SAP18: variants seen among roughly 807,000 people sequenced by gnomAD.
The protein encoded by SAP18 is histone deacetylase complex subunit SAP18.
Under a neutral mutation model 18.6 loss-of-function variants are expected in SAP18, and 4 were observed. That is an observed-to-expected ratio of 0.21 (90% CI 0.11 to 0.49). The LOEUF (loss-of-function observed/expected upper bound fraction) is 0.49. Among genes scored for constraint, SAP18 ranks in the 20% least tolerant of loss-of-function variants. The probability of loss-of-function intolerance (pLI) is 0.98; values close to 1 mark genes in which losing one functional copy is unlikely to be tolerated. For synonymous variants in SAP18, 112 were observed against 82.8 expected, an observed-to-expected ratio of 1.35 and a Z score of -1.92; for missense variants, 170 against 226.4, an observed-to-expected ratio of 0.75 and a Z score of 1.60.
chr13:21,146,728 A>G, intron 2 of SAP18, 77 bp from the exon 3 acceptor site: 2 of 1,145,440 alleles, frequency 1.7e-6, no homozygotes, highest in Non-Finnish European at 2.5e-6. Context: ...TATGTAATTA[A>G]CTCATTGTTA....
At chr13:21,147,336 A>G in exon 4 of SAP18, 1 of 1,601,932 alleles carries the variant, frequency 6.2e-7, no homozygotes, top group East Asian at 2.2e-5. Flanking sequence ...GCATGAGACC[A>G]TATTAAATTC....
At position 21,140,563 on chromosome 13, in the gene SAP18, CA is replaced by C. The variant is rs775068346; in HGVS notation, c.12del (p.Val6SerfsTer80). ...AGAGACTTAGTGCTCATGCTCGCTGCAGGGGTCGGAGGTCAGGGCGAGCGTC... is the reference window on the plus strand; with the variant it reads ...AGAGACTTAGTGCTCATGCTCGCTGCGGGGTCGGAGGTCAGGGCGAGCGTC... On this transcript the variant is annotated frameshift_variant, in exon 1 of 4. Coordinates refer to ENST00000621421, the Ensembl canonical transcript of SAP18. LOFTEE classifies it high-confidence loss of function. The C allele has an allele frequency of 1.5e-5, 24 of 1,597,014 alleles. No homozygotes were observed. Among genetic ancestry groups the C allele is most frequent in the Non-Finnish European group, 2.0e-5 (24 of 1,172,288 alleles).
intron 2 of SAP18, among the ~76,000 whole-genome samples, chr13:21,143,532 C>T (rs932422799): frequency 6.6e-6 from 1 of 152,100 alleles, no homozygotes; most frequent in Non-Finnish European, 1.5e-5. Context: ...TGATGAAAAT[C>T]TCTTCAGAAA....
chr13:21,147,294 C>G, exon 4 of SAP18: 2 of 1,613,964 alleles, frequency 1.2e-6, no homozygotes, highest in South Asian at 1.1e-5. Context: ...TAGCAATTAC[C>G]CCTCCAAATC....
exon 4 of SAP18, chr13:21,147,301 A>C (rs755534247): frequency 5.6e-6 from 9 of 1,614,024 alleles, no homozygotes; most frequent in Non-Finnish European, 6.8e-6. Flanking sequence ...TACCCCTCCA[A>C]ATCGGGCACC....
exon 2 of SAP18, chr13:21,140,941 T>C: frequency 6.2e-7 from 1 of 1,613,648 alleles, no homozygotes; most frequent in South Asian, 1.1e-5. Flanking sequence ...CACCACCGAA[T>C]GGACGAGTTC....
intron 1 of SAP18, 100 bp downstream of exon 1, chr13:21,140,781 G>A (rs2281914): frequency 0.46 from 731,028 of 1,587,776 alleles, 173,204 homozygotes; most frequent in East Asian, 0.68. Flanking sequence ...GGTGTTTTTG[G>A]TCTCGGGGAG....
intron 2 of SAP18, among the ~76,000 whole-genome samples, chr13:21,143,312 T>A (rs550038543): frequency 2.0e-5 from 3 of 152,336 alleles, no homozygotes; most frequent in African/African-American, 7.2e-5. Flanking sequence ...GCTGCACTAT[T>A]TTATATTCCC....
chr13:21,141,087 T>C, intron 2 of SAP18, 92 bp downstream of exon 2: 2 of 823,846 alleles, frequency 2.4e-6, no homozygotes, highest in Non-Finnish European at 4.1e-6. Flanking sequence ...TCTCCCTGAT[T>C]TCAATTTCAT....
Position 21,141,136 on chromosome 13 carries a change from T to C in SAP18, c.239+141T>C. On this transcript the variant is annotated intron_variant, in intron 2 of 3. Coordinates refer to ENST00000621421, the Ensembl canonical transcript of SAP18. ...GCCTTCGGACTCAGCTTTCAGGAAG[T>C]TAGAAGTTTTTGTTGTTAGGTGAAA... The C allele has an allele frequency of 4.7e-6, 3 of 634,562 alleles. No individual in the cohort carries two copies. In the South Asian group the frequency reaches 5.7e-5, roughly 12 times the overall value. The allele number at this position is 634,562 out of a possible 1,614,324, so 39.3% of individuals were successfully genotyped here.
chr13:21,147,015 T>C (rs1869674019), intron 3 of SAP18, 88 bp downstream of exon 3: 4 of 1,462,550 alleles, frequency 2.7e-6, no homozygotes, highest in Non-Finnish European at 3.7e-6. Context: ...ATGAATCTTG[T>C]TAGTGGGAGA....
At chr13:21,146,094 C>G (rs1869641209) in intron 2 of SAP18, among the ~76,000 whole-genome samples, 1 of 152,152 alleles carries the variant, frequency 6.6e-6, no homozygotes, top group Admixed American at 6.6e-5. Context: ...TGTAATCAAT[C>G]CCAGCACTTT....
At chr13:21,140,354 C>G (rs563294977), upstream of SAP18, among the ~76,000 whole-genome samples, 58 of 152,360 alleles carry the variant, frequency 3.8e-4, 2 homozygotes, top group South Asian at 0.012. Context: ...AACATCCCGG[C>G]AACCAACTGC....
intron 2 of SAP18, 105 bp from the exon 3 acceptor site, chr13:21,146,700 T>A: frequency 1.1e-6 from 1 of 907,398 alleles, no homozygotes; most frequent in Non-Finnish European, 1.6e-6. Context: ...GTTTCTAATG[T>A]AAATCACAAC....
chr13:21,145,650 C>G (rs1324512785), intron 2 of SAP18, among the ~76,000 whole-genome samples: 13 of 152,156 alleles, frequency 8.5e-5, no homozygotes, highest in Admixed American at 8.5e-4. Context: ...GGATTATAGG[C>G]TACAGATGTG....
At chr13:21,140,597 C>T in exon 1 of SAP18, 1 of 1,610,708 alleles carries the variant, frequency 6.2e-7, no homozygotes, top group Non-Finnish European at 8.5e-7. Flanking sequence ...GTCTCGCAGG[C>T]CGTAGGAGGA....
chr13:21,140,349 C>T (rs1251226874), upstream of SAP18, among the ~76,000 whole-genome samples: 1 of 152,224 alleles, frequency 6.6e-6, no homozygotes, highest in Non-Finnish European at 1.5e-5. Context: ...AAAAAAACAT[C>T]CCGGCAACCA....
exon 4 of SAP18, chr13:21,148,030 G>A (rs1167076712): frequency 1.3e-5 from 2 of 151,412 alleles, no homozygotes; most frequent in African/African-American, 4.8e-5. Context: ...GGAGGGAGGG[G>A]TGAAGGAGGA....
At chr13:21,148,693 A>G (rs549247113) in exon 4 of SAP18, 1 of 151,002 alleles carries the variant, frequency 6.6e-6, no homozygotes, top group African/African-American at 2.4e-5. Context: ...GATTAGATAG[A>G]CTGGAGCCAT....
Sources: gnomAD v4.1 joint callset for allele counts (sites outside exome capture counted in the v4.1 genomes callset) on GRCh38, gnomAD v4.1.1 for gene constraint, MANE v1.5 for transcripts, NCBI Gene and HGNC (gene_info 2026-07-23, HGNC 2026-07-21) for gene names.